Variants in TXLNG observed in about 807,000 individuals in gnomAD.
The protein encoded by TXLNG is taxilin gamma, also known as gamma-taxilin.
A neutral mutation model predicts 38.8 loss-of-function variants in TXLNG; 5 were observed. The ratio of observed to expected loss-of-function variants is 0.13; its 90% CI spans 0.07 to 0.27. The LOEUF is 0.27. Ranked by LOEUF, TXLNG falls within the 10% of genes least tolerant of loss-of-function variation. TXLNG has a pLI of 1.00. For synonymous variants in TXLNG, 182 were observed against 158.2 expected (o/e 1.15, Z -1.13); for missense variants, 393 against 398.2 (o/e 0.99, Z 0.11).
intron 1 of TXLNG, among the ~76,000 whole-genome samples, chrX:16,808,109 A>C (rs1241840991): frequency 2.7e-5 from 3 of 111,642 alleles, no homozygotes; most frequent in Non-Finnish European, 5.6e-5. Flanking sequence ...GAGTCCTCTT[A>C]GCTCCAAGTA....
At chrX:16,794,304 C>T (rs751341451) in intron 1 of TXLNG, among the ~76,000 whole-genome samples, 7 of 112,016 alleles carry the variant, frequency 6.2e-5, no homozygotes, top group Admixed American at 9.5e-5. Flanking sequence ...TAAACGAAGA[C>T]AAATTATGAG....
intron 9 of TXLNG, chrX:16,840,310 G>A (rs1569273963): frequency 1.4e-5 from 4 of 277,432 alleles, no homozygotes; most frequent in African/African-American, 5.9e-5. Context: ...TCTTGGGGGC[G>A]GAGGCAGATA....
intron 1 of TXLNG, among the ~76,000 whole-genome samples, chrX:16,811,867 CTT>C (rs2147474502): frequency 9.1e-6 from 1 of 109,399 alleles, no homozygotes; most frequent in East Asian, 2.9e-4. Context: ...TTGATCATCT[CTT>C]GACCTCGTCA....
At chrX:16,806,611 G>A (rs1409529823) in intron 1 of TXLNG, among the ~76,000 whole-genome samples, 4 of 110,375 alleles carry the variant, frequency 3.6e-5, no homozygotes, top group African/African-American at 1.3e-4. Context: ...GCAAAACCCC[G>A]TCTCTACTAA....
intron 1 of TXLNG, among the ~76,000 whole-genome samples, chrX:16,803,750 G>A (rs1928207511): frequency 1.8e-5 from 2 of 108,288 alleles, no homozygotes; most frequent in South Asian, 4.1e-4. Flanking sequence ...TCAGGAGTTC[G>A]AGATCAGCCT....
chrX:16,792,205 A>G (rs1005103234), intron 1 of TXLNG, among the ~76,000 whole-genome samples: 1 of 112,085 alleles, frequency 8.9e-6, no homozygotes, highest in East Asian at 2.8e-4. Flanking sequence ...AGGTATATAG[A>G]TAAGGCATCT....
chrX:16,793,600 A>T (rs1927777438), intron 1 of TXLNG, among the ~76,000 whole-genome samples: 1 of 111,019 alleles, frequency 9.0e-6, no homozygotes. Context: ...TTTGGATTGC[A>T]AAATGGGCCA....
intron 8 of TXLNG, among the ~76,000 whole-genome samples, chrX:16,837,930 A>G (rs894046461): frequency 4.5e-5 from 5 of 111,702 alleles, no homozygotes; most frequent in African/African-American, 1.6e-4. Flanking sequence ...CTTGTTAGAA[A>G]TAAAGTGGTG....
At position 16,798,374 on chromosome X, in the gene TXLNG, G is replaced by A. The variant is rs781316147; in HGVS notation, c.102+11785G>A. ...GCTCAAATTTTATCATTGGCAACAA[G>A]TACTGTTGTTTGCTTGCCTTGAAGT... On this transcript the variant is annotated intron_variant, in intron 1 of 9. Coordinates refer to ENST00000380122, the MANE Select transcript of TXLNG (RefSeq NM_018360.3). Among the ~76,000 whole-genome samples, 4 of 111,959 alleles carry A rather than the reference G, an allele frequency of 3.6e-5. No individual in the cohort carries two copies. The South Asian group carries it at 1.5e-3, about 42-fold the overall frequency.
intron 1 of TXLNG, among the ~76,000 whole-genome samples, chrX:16,791,677 C>G (rs1157881120): frequency 8.9e-6 from 1 of 111,894 alleles, no homozygotes; most frequent in African/African-American, 3.2e-5. Flanking sequence ...CCTCCACTTT[C>G]CGGGTTCAAG....
At position 16,826,946 on chromosome X, in the gene TXLNG, C is replaced by A. The variant is rs113129760; in HGVS notation, c.499-1148C>A. 8.8e-3 allele frequency among the ~76,000 whole-genome samples: 960 copies of A among 108,784 alleles called. 9 individuals carry two copies. The highest frequency in any genetic ancestry group is 0.03 in the African/African-American group (909 of 29,903). 94.5% of individuals were successfully genotyped at this position (108,784 alleles called of 115,157 possible). ...AACTCCATCTCAAAAAAGCAAAACC[C>A]GGCCGGGCATGGTGGCTTATGCTTG... On this transcript the variant is annotated intron_variant, in intron 3 of 9. Transcript: ENST00000380122.
intron 1 of TXLNG, among the ~76,000 whole-genome samples, chrX:16,809,783 T>C (rs1319247254): frequency 8.9e-6 from 1 of 111,961 alleles, no homozygotes; most frequent in Non-Finnish European, 1.9e-5. Flanking sequence ...CCCCAATGTA[T>C]GTTGAGCAGC....
At chrX:16,795,812 ATTT>A (rs758666977) in intron 1 of TXLNG, among the ~76,000 whole-genome samples, 3 of 97,873 alleles carry the variant, frequency 3.1e-5, no homozygotes, top group Non-Finnish European at 2.1e-5. Flanking sequence ...GTATAATTCA[ATTT>A]TTTTTTTTTT....
In TXLNG at chrX:16,841,650, A is replaced by C; in HGVS notation, c.1471A>C (p.Thr491Pro). ...TALDSHKELN[T>P]SSKRALGAHL... ...CCTGGATTCTCACAAGGAGCTGAAC[A>C]CTTCCTCGAAAAGAGCCCTGGGAGC... The change falls in exon 10 of 10, where the codon ACT becomes CCT. Residue 491 changes from threonine (T) to proline (P), a missense_variant. Transcript: ENST00000380122. The C allele has an allele frequency of 8.3e-7, 1 of 1,211,557 alleles. No homozygotes were observed. The highest frequency in any genetic ancestry group is 1.1e-6 in the Non-Finnish European group (1 of 895,500).
intron 7 of TXLNG, among the ~76,000 whole-genome samples, chrX:16,834,613 C>CA (rs1435974262): frequency 1.8e-5 from 2 of 111,569 alleles, no homozygotes; most frequent in Non-Finnish European, 3.8e-5. Flanking sequence ...TGCCCCGTCT[C>CA]AGGCAGCCTG....
At chrX:16,796,606 C>G (rs1245153586) in intron 1 of TXLNG, among the ~76,000 whole-genome samples, 3 of 111,736 alleles carry the variant, frequency 2.7e-5, no homozygotes, top group Non-Finnish European at 5.6e-5. Flanking sequence ...ATTTGGATTC[C>G]ACTGATTGGC....
chrX:16,787,726 A>G (rs1021087658), intron 1 of TXLNG, among the ~76,000 whole-genome samples: 7 of 111,825 alleles, frequency 6.3e-5, no homozygotes, highest in African/African-American at 2.3e-4. Context: ...GCAGGTGAAC[A>G]TACTGAAACG....
intron 1 of TXLNG, among the ~76,000 whole-genome samples, chrX:16,803,921 C>T (rs1275525303): frequency 1.8e-5 from 2 of 109,775 alleles, no homozygotes; most frequent in Non-Finnish European, 3.8e-5. Context: ...CACTGCACTC[C>T]AGCCTGGGCA....
intron 3 of TXLNG, among the ~76,000 whole-genome samples, chrX:16,821,440 G>A (rs1928955817): frequency 8.9e-6 from 1 of 111,960 alleles, no homozygotes; most frequent in Admixed American, 9.4e-5. Context: ...TGCCTGGCCC[G>A]TGAGGGCAGT....
Sources: allele counts gnomAD v4.1 joint callset (sites outside exome capture counted in the v4.1 genomes callset), GRCh38; gene constraint gnomAD v4.1.1; transcripts MANE v1.5; gene names NCBI Gene and HGNC (gene_info 2026-07-23, HGNC 2026-07-21).